ERI1: variants seen among roughly 807,000 people sequenced by gnomAD.
ERI1 encodes the protein 3'-5' exoribonuclease 1.
Under a neutral mutation model 39.7 loss-of-function variants are expected in ERI1, and 39 were observed. That is an observed-to-expected ratio of 0.98 (90% CI 0.76 to 1.28). The LOEUF (loss-of-function observed/expected upper bound fraction) is 1.28, where lower values mean the gene tolerates loss of function less well. Ranked by LOEUF, ERI1 falls within the 50% of genes most tolerant of loss-of-function variation. The pLI is 0.00. For missense variants in ERI1, 581 were observed against 416.9 expected (o/e 1.39, Z -3.43); for synonymous variants, 204 against 149.6 (o/e 1.36, Z -2.65).
chr8:9,059,745 A>G (rs71514524), intron 3 of ERI1, among the ~76,000 whole-genome samples: 21,420 of 152,074 alleles, frequency 0.14, 1,634 homozygotes, highest in African/African-American at 0.18. Context: ...CGGTTTGGGG[A>G]TAGCACCAGG....
chr8:9,005,817 T>A (rs1815954819), intron 1 of ERI1, among the ~76,000 whole-genome samples: 1 of 152,218 alleles, frequency 6.6e-6, no homozygotes, highest in South Asian at 2.1e-4. Context: ...TAAAGTAGTT[T>A]GCCACAAGAT....
At chr8:9,009,151 G>C (rs9329175) in intron 2 of ERI1, 4 of 449,818 alleles carry the variant, frequency 8.9e-6, no homozygotes, top group Non-Finnish European at 1.8e-5. Context: ...ATGTTTATAC[G>C]TTTATTCAAC....
intron 1 of ERI1, among the ~76,000 whole-genome samples, chr8:9,005,597 C>T (rs1385288636): frequency 6.6e-6 from 1 of 150,562 alleles, no homozygotes; most frequent in African/African-American, 2.5e-5. Flanking sequence ...TCGCTGCAAG[C>T]TCCGCCTCAC....
chr8:9,097,324 G>A (rs981405392), intron 3 of ERI1, among the ~76,000 whole-genome samples: 14 of 152,094 alleles, frequency 9.2e-5, no homozygotes, highest in South Asian at 2.1e-4. Context: ...TGGTACTGGG[G>A]ACCCAGTGGT....
chr8:9,088,478 G>A (rs941111240), intron 3 of ERI1: 3 of 152,226 alleles, frequency 2.0e-5, no homozygotes, highest in Non-Finnish European at 4.4e-5. Context: ...GAAAGGACCA[G>A]GAGTGGCGAC....
intron 2 of ERI1, among the ~76,000 whole-genome samples, chr8:9,011,263 G>C (rs377196745): frequency 3.9e-5 from 6 of 152,130 alleles, no homozygotes; most frequent in African/African-American, 1.2e-4. Context: ...CAGTGTTTAT[G>C]GTTTGAAGTA....
chr8:9,067,016 A>T (rs1448674526), intron 3 of ERI1, among the ~76,000 whole-genome samples: 1 of 152,204 alleles, frequency 6.6e-6, no homozygotes, highest in Non-Finnish European at 1.5e-5. Context: ...TTGCTGTGTA[A>T]ACCTGGCCAA....
chr8:9,073,788 T>C (rs1489894151), intron 3 of ERI1, among the ~76,000 whole-genome samples: 1 of 152,226 alleles, frequency 6.6e-6, no homozygotes, highest in Non-Finnish European at 1.5e-5. Context: ...ATCAGGACTC[T>C]AAGGACTGAC....
intron 3 of ERI1, among the ~76,000 whole-genome samples, chr8:9,084,555 G>C (rs1799467518): frequency 6.6e-6 from 1 of 152,124 alleles, no homozygotes; most frequent in South Asian, 2.1e-4. Flanking sequence ...ACTTCAGTTT[G>C]GAAAGTCAGA....
chr8:9,026,540 T>C (rs1157838595), intron 6 of ERI1, among the ~76,000 whole-genome samples: 1 of 152,082 alleles, frequency 6.6e-6, no homozygotes, highest in African/African-American at 2.4e-5. Context: ...AGTTCATCCA[T>C]GTTGTATCAT....
chr8:9,087,559 A>G (rs1468221149), intron 3 of ERI1, among the ~76,000 whole-genome samples: 3 of 151,676 alleles, frequency 2.0e-5, no homozygotes, highest in Non-Finnish European at 2.9e-5. Context: ...CCCTGCCCTT[A>G]TTTTTATTTT....
rs1033647419 is a variant in ERI1, at chr8:9,097,560, G to A, written n.300-18788G>A. On this transcript the variant is annotated intron_variant and non_coding_transcript_variant, in intron 3 of 3. Transcript: ENST00000518663. ...GGCGTGCGCCTGTAGTCCCAGCTACGCAGGAGGCTGAGGCTGGAGAATCAC... is the reference window on the plus strand; with the variant it reads ...GGCGTGCGCCTGTAGTCCCAGCTACACAGGAGGCTGAGGCTGGAGAATCAC... Among the ~76,000 whole-genome samples the A allele has an allele frequency of 4.0e-5, 6 of 151,766 alleles. No homozygotes were observed. The South Asian group carries it at 6.2e-4, about 16-fold the overall frequency.
chr8:9,029,456 G>C (rs1405639512), intron 6 of ERI1, among the ~76,000 whole-genome samples: 1 of 152,022 alleles, frequency 6.6e-6, no homozygotes. Context: ...AGCCTCCCAG[G>C]TAGCTGGCAT....
intron 3 of ERI1, among the ~76,000 whole-genome samples, chr8:9,040,546 C>A (rs1797984042): frequency 6.6e-6 from 1 of 152,108 alleles, no homozygotes; most frequent in Admixed American, 6.5e-5. Flanking sequence ...CTCAGAATTA[C>A]CTTAAATTCC....
At chr8:9,078,629 G>T (rs549247681) in intron 3 of ERI1, among the ~76,000 whole-genome samples, 1 of 152,256 alleles carries the variant, frequency 6.6e-6, no homozygotes, top group Admixed American at 6.5e-5. Flanking sequence ...TTAGACTGCA[G>T]CCTTGTGGAA....
intron 3 of ERI1, among the ~76,000 whole-genome samples, chr8:9,070,181 G>T (rs1158726831): frequency 6.6e-6 from 1 of 151,960 alleles, no homozygotes; most frequent in Non-Finnish European, 1.5e-5. Flanking sequence ...AGAGGTTGCA[G>T]TGAGCTGAGA....
chr8:9,048,764 C>T (rs1002303557), intron 3 of ERI1, among the ~76,000 whole-genome samples: 1 of 152,152 alleles, frequency 6.6e-6, no homozygotes, highest in Non-Finnish European at 1.5e-5. Flanking sequence ...CCCACCTCAG[C>T]TTCCTGAGTA....
At chr8:9,070,435 C>G (rs963434280) in intron 3 of ERI1, among the ~76,000 whole-genome samples, 2 of 152,126 alleles carry the variant, frequency 1.3e-5, no homozygotes, top group Non-Finnish European at 2.9e-5. Context: ...CTGCAATGAG[C>G]TATGATCCCA....
intron 1 of ERI1, chr8:9,004,281 T>G (rs1585176169): frequency 3.4e-6 from 4 of 1,169,742 alleles, no homozygotes; most frequent in Non-Finnish European, 4.3e-6. Context: ...CTGAGATACG[T>G]TGTCAATCTC....
Sources: allele counts gnomAD v4.1 joint callset (sites outside exome capture counted in the v4.1 genomes callset), GRCh38; gene constraint gnomAD v4.1.1; transcripts MANE v1.5; gene names NCBI Gene and HGNC (gene_info 2026-07-23, HGNC 2026-07-21).